Variants in ADGRL2 observed in about 807,000 individuals in gnomAD.
ADGRL2 encodes the protein adhesion G protein-coupled receptor L2.
ADGRL2 carries 44 observed loss-of-function variants against 157.4 expected under a neutral mutation model. The ratio of observed to expected loss-of-function variants is 0.28; its 90% CI spans 0.22 to 0.36. ADGRL2 has a LOEUF of 0.36. Ranked by LOEUF, ADGRL2 falls within the 10% of genes least tolerant of loss-of-function variation. The probability of loss-of-function intolerance (pLI) is 1.00; values close to 1 mark genes in which losing one functional copy is unlikely to be tolerated. For missense variants in ADGRL2, 1,510 were observed against 1,768.9 expected (o/e 0.85, Z 2.63); for synonymous variants, 585 against 624.7 (o/e 0.94, Z 0.95).
chr1:81,842,516 CCTGT>C (rs1352830065), intron 2 of ADGRL2, among the ~76,000 whole-genome samples: 2 of 151,828 alleles, frequency 1.3e-5, no homozygotes, highest in African/African-American at 2.4e-5. Flanking sequence ...TGCCACCATG[CCTGT>C]CTAACTTTTT....
intron 3 of ADGRL2, among the ~76,000 whole-genome samples, chr1:81,618,528 G>A (rs2081714424): frequency 6.6e-6 from 1 of 152,166 alleles, no homozygotes; most frequent in Non-Finnish European, 1.5e-5. Context: ...TTGGTCTGAG[G>A]TTGGAGCATA....
intron 1 of ADGRL2, among the ~76,000 whole-genome samples, chr1:81,386,370 G>A (rs1168076693): frequency 6.6e-6 from 1 of 152,108 alleles, no homozygotes; most frequent in Non-Finnish European, 1.5e-5. Context: ...TTATTCGCTA[G>A]CCTCCATAAT....
At chr1:81,776,809 T>G (rs980273985) in intron 2 of ADGRL2, among the ~76,000 whole-genome samples, 3 of 152,212 alleles carry the variant, frequency 2.0e-5, no homozygotes, top group Non-Finnish European at 2.9e-5. Flanking sequence ...GCATTATCAC[T>G]TGCTGGTTTT....
At chr1:81,402,589 C>T (rs945986297) in intron 1 of ADGRL2, among the ~76,000 whole-genome samples, 5 of 152,152 alleles carry the variant, frequency 3.3e-5, no homozygotes, top group African/African-American at 1.2e-4. Context: ...CTGTGAAAAA[C>T]AAAACAAAAC....
chr1:81,924,282 T>G (rs906190970), intron 3 of ADGRL2, among the ~76,000 whole-genome samples: 3 of 152,148 alleles, frequency 2.0e-5, no homozygotes, highest in African/African-American at 7.2e-5. Flanking sequence ...ATTTTCTACC[T>G]CAGGGACTTA....
chr1:81,776,055 G>A (rs1053226035), intron 2 of ADGRL2, among the ~76,000 whole-genome samples: 1 of 152,026 alleles, frequency 6.6e-6, no homozygotes, highest in Non-Finnish European at 1.5e-5. Context: ...TTTACTATCA[G>A]TGCTTCCAAA....
chr1:81,704,192 T>C (rs116704330), intron 1 of ADGRL2, among the ~76,000 whole-genome samples: 486 of 152,362 alleles, frequency 3.2e-3, no homozygotes, highest in African/African-American at 0.011. Context: ...AGCCATCTCC[T>C]AAAAACCAGT....
chr1:81,503,035 C>G, intron 2 of ADGRL2: 1 of 1,611,554 alleles, frequency 6.2e-7, no homozygotes, highest in Non-Finnish European at 8.5e-7. Flanking sequence ...GGCTGGTACT[C>G]GGACCGCCGC....
Position 81,991,008 on chromosome 1 carries a change from G to T in ADGRL2, c.4273G>T (p.Ala1425Ser), listed in dbSNP as rs770815631. ...CTATAAAAGCATGCCAAATCTTGGA[G>T]CTGGCCATCAGCTTCAGATGTGCTA... The part of the protein sequence containing the change: ...IYYKSMPNLG[A>S]GHQLQMCYQI... Residue 1425 changes from alanine to serine, a missense_variant, in exon 24 of 24, where the codon GCT becomes TCT. By Grantham distance (99) the Ala-to-Ser change is moderately conservative. Transcript: ENST00000686636. 6.2e-7 allele frequency: 1 copy of T among 1,614,040 alleles called. No homozygotes were observed. Among genetic ancestry groups the T allele is most frequent in the Admixed American group, 1.7e-5 (1 of 60,006 alleles).
chr1:81,821,921 A>G (rs1238789504), intron 1 of ADGRL2, among the ~76,000 whole-genome samples: 1 of 152,020 alleles, frequency 6.6e-6, no homozygotes, highest in Non-Finnish European at 1.5e-5. Context: ...AATGGTGGCA[A>G]GTTAGGATTT....
At chr1:81,901,259 A>G (rs2094480847) in intron 2 of ADGRL2, among the ~76,000 whole-genome samples, 1 of 152,188 alleles carries the variant, frequency 6.6e-6, no homozygotes. Context: ...ATCAAAGTAA[A>G]ACTATCTTGG....
intron 1 of ADGRL2, among the ~76,000 whole-genome samples, chr1:81,351,540 C>T (rs928309005): frequency 6.6e-6 from 1 of 151,268 alleles, no homozygotes; most frequent in African/African-American, 2.4e-5. Context: ...TTGAAGAAAC[C>T]CTATTAAATG....
intron 1 of ADGRL2, among the ~76,000 whole-genome samples, chr1:81,362,315 G>A (rs2075992801): frequency 6.6e-6 from 1 of 151,732 alleles, no homozygotes; most frequent in Non-Finnish European, 1.5e-5. Context: ...ACTAAGAGCT[G>A]GTTAAATCCT....
At chr1:81,781,357 C>T (rs2086805263) in intron 2 of ADGRL2, among the ~76,000 whole-genome samples, 1 of 151,956 alleles carries the variant, frequency 6.6e-6, no homozygotes, top group South Asian at 2.1e-4. Flanking sequence ...TTAATTCTGC[C>T]CCCTATCTTG....
intron 3 of ADGRL2, among the ~76,000 whole-genome samples, chr1:81,615,012 CAAAAATAAAATAAAG>C (rs1328324739): frequency 2.6e-5 from 4 of 151,842 alleles, no homozygotes; most frequent in Admixed American, 6.6e-5. Flanking sequence ...GACCATGTAT[CAAAAATAAAATAAAG>C]TAAAATAAAA....
chr1:81,927,563 C>T (rs1211239922), intron 3 of ADGRL2, among the ~76,000 whole-genome samples: 1 of 151,816 alleles, frequency 6.6e-6, no homozygotes, highest in East Asian at 1.9e-4. Context: ...GCTAGAGATT[C>T]TGAAACTAAC....
intron 1 of ADGRL2, among the ~76,000 whole-genome samples, chr1:81,827,015 G>A (rs1364351187): frequency 7.0e-6 from 1 of 143,828 alleles, no homozygotes; most frequent in Non-Finnish European, 1.5e-5. Flanking sequence ...AGGAACAGTA[G>A]ACTTATGAAA....
At chr1:81,473,464 A>G (rs771803480) in intron 2 of ADGRL2, among the ~76,000 whole-genome samples, 2 of 152,238 alleles carry the variant, frequency 1.3e-5, no homozygotes, top group Non-Finnish European at 2.9e-5. Flanking sequence ...GCATGTTGAA[A>G]TAATAAAATT....
At chr1:81,530,244 G>C (rs541289045) in intron 2 of ADGRL2, among the ~76,000 whole-genome samples, 2 of 152,226 alleles carry the variant, frequency 1.3e-5, no homozygotes, top group African/African-American at 4.8e-5. Flanking sequence ...ACAGGCCCAG[G>C]ATACAGTTCA....
Sources: allele counts gnomAD v4.1 joint callset (sites outside exome capture counted in the v4.1 genomes callset), GRCh38; gene constraint gnomAD v4.1.1; transcripts MANE v1.5; gene names NCBI Gene and HGNC (gene_info 2026-07-23, HGNC 2026-07-21).